The following PPFIA2 variants were observed in gnomAD, a reference collection of about 807,000 sequenced individuals.
PPFIA2 encodes the protein liprin-alpha-2.
In PPFIA2, 46 loss-of-function variants were observed where a neutral mutation model predicts 175.5. The observed-to-expected ratio is 0.26, with a 90% CI of 0.21 to 0.34. The LOEUF is 0.34. Ranked by LOEUF, PPFIA2 falls within the 10% of genes least tolerant of loss-of-function variation. PPFIA2 has a pLI of 1.00. For synonymous variants in PPFIA2, 568 were observed against 511.4 expected, an observed-to-expected ratio of 1.11 and a Z score of -1.49; for missense variants, 1,179 against 1,506.1, an observed-to-expected ratio of 0.78 and a Z score of 3.60.
intron 3 of PPFIA2, among the ~76,000 whole-genome samples, chr12:81,719,566 C>T (rs1024540402): frequency 1.3e-5 from 2 of 151,424 alleles, no homozygotes; most frequent in Non-Finnish European, 3.0e-5. Context: ...CTACCAATGA[C>T]ATCAAAAAGA....
Position 81,393,532 on chromosome 12 carries a change from T to C in PPFIA2, c.763-9288A>G, listed in dbSNP as rs1028419710. 9.9e-5 allele frequency among the ~76,000 whole-genome samples: 15 copies of C among 152,152 alleles called. 1 individual carries two copies. The South Asian group carries it at 2.9e-3, about 29-fold the overall frequency. On this transcript the variant is annotated intron_variant, in intron 8 of 32. Coordinates refer to ENST00000549396, the MANE Select transcript of PPFIA2 (RefSeq NM_003625.5). ...CAAAAAGTGTCTCCTCTACTGTGTCTTGATATTAAGAGAGTGGAGGAGGAA... is the reference window on the plus strand; with the variant it reads ...CAAAAAGTGTCTCCTCTACTGTGTCCTGATATTAAGAGAGTGGAGGAGGAA...
At chr12:81,430,637 T>C (rs576260227) in intron 7 of PPFIA2, 1 of 151,774 alleles carries the variant, frequency 6.6e-6, no homozygotes, top group East Asian at 1.9e-4. Context: ...ATATCTCTCC[T>C]TCCTTCATTC....
chr12:81,434,275 A>G (rs2048601872), intron 7 of PPFIA2, among the ~76,000 whole-genome samples: 1 of 152,104 alleles, frequency 6.6e-6, no homozygotes, highest in Admixed American at 6.5e-5. Context: ...TCATTATGTT[A>G]TCAGTGTATT....
At chr12:81,331,065 G>A (rs1051129428) in intron 21 of PPFIA2, among the ~76,000 whole-genome samples, 11 of 152,186 alleles carry the variant, frequency 7.2e-5, no homozygotes, top group African/African-American at 2.4e-4. Context: ...AAGTTTTGGC[G>A]TAAAGGCCGA....
At chr12:81,300,301 AGAT>A (rs1364355693) in intron 22 of PPFIA2, among the ~76,000 whole-genome samples, 5 of 152,182 alleles carry the variant, frequency 3.3e-5, no homozygotes, top group Non-Finnish European at 5.9e-5. Context: ...TCTTACACAT[AGAT>A]GATAAAAACA....
At chr12:81,650,346 C>T (rs1248169346) in intron 4 of PPFIA2, among the ~76,000 whole-genome samples, 1 of 151,978 alleles carries the variant, frequency 6.6e-6, no homozygotes, top group African/African-American at 2.4e-5. Flanking sequence ...TGTACTCTTT[C>T]TCTATTGTAC....
chr12:81,384,902 C>T (rs1424658536), intron 8 of PPFIA2, among the ~76,000 whole-genome samples: 1 of 152,082 alleles, frequency 6.6e-6, no homozygotes, highest in Non-Finnish European at 1.5e-5. Context: ...GATTTTTCTT[C>T]TTTCCGAAAG....
intron 12 of PPFIA2, 42 bp from the exon 13 acceptor site, chr12:81,368,898 G>A (rs773593850): frequency 1.9e-6 from 3 of 1,574,702 alleles, no homozygotes; most frequent in African/African-American, 1.4e-5. Flanking sequence ...TTCAAAAACT[G>A]TTTGAGATTA....
At chr12:81,373,950 T>C (rs2035786438) in intron 11 of PPFIA2, among the ~76,000 whole-genome samples, 1 of 152,056 alleles carries the variant, frequency 6.6e-6, no homozygotes, top group Non-Finnish European at 1.5e-5. Flanking sequence ...ATATAACTTG[T>C]GACATATACA....
At chr12:81,756,223 C>T (rs2084633620) in intron 2 of PPFIA2, among the ~76,000 whole-genome samples, 1 of 152,006 alleles carries the variant, frequency 6.6e-6, no homozygotes, top group African/African-American at 2.4e-5. Context: ...ACAATTTGTG[C>T]CCAAACACTC....
At chr12:81,494,162 C>A (rs1306138434) in intron 4 of PPFIA2, among the ~76,000 whole-genome samples, 1 of 151,794 alleles carries the variant, frequency 6.6e-6, no homozygotes, top group African/African-American at 2.4e-5. Context: ...AGGCAACCTA[C>A]AAAATGGGAA....
chr12:81,349,909 A>G (rs1478350461), intron 17 of PPFIA2, among the ~76,000 whole-genome samples: 1 of 152,326 alleles, frequency 6.6e-6, no homozygotes, highest in East Asian at 1.9e-4. Context: ...TAGTTTATGA[A>G]AGAAGAAAAA....
At chr12:81,456,375 T>G (rs1002267533) in intron 5 of PPFIA2, among the ~76,000 whole-genome samples, 4 of 152,168 alleles carry the variant, frequency 2.6e-5, no homozygotes, top group Admixed American at 2.6e-4. Flanking sequence ...ACCAATTCAA[T>G]GTATGCATGT....
At chr12:81,316,278 A>T (rs1294280770) in intron 22 of PPFIA2, among the ~76,000 whole-genome samples, 2 of 151,608 alleles carry the variant, frequency 1.3e-5, no homozygotes, top group Non-Finnish European at 3.0e-5. Context: ...GAAGAAACTA[A>T]ATCTCCAAAG....
chr12:81,613,650 T>G (rs1700912114), intron 4 of PPFIA2, among the ~76,000 whole-genome samples: 1 of 152,142 alleles, frequency 6.6e-6, no homozygotes. Flanking sequence ...CAAGCATAAT[T>G]CCTAGCCACA....
At chr12:81,647,875 TTA>T (rs947813943) in intron 4 of PPFIA2, among the ~76,000 whole-genome samples, 8 of 141,382 alleles carry the variant, frequency 5.7e-5, no homozygotes, top group African/African-American at 1.6e-4. Context: ...ATAATATATA[TTA>T]TATATATATA....
intron 7 of PPFIA2, among the ~76,000 whole-genome samples, chr12:81,433,168 T>C (rs1486539131): frequency 6.6e-6 from 1 of 152,188 alleles, no homozygotes; most frequent in African/African-American, 2.4e-5. Flanking sequence ...TTTCACACCC[T>C]GACTTTTATC....
chr12:81,648,892 T>G (rs910827767), intron 4 of PPFIA2, among the ~76,000 whole-genome samples: 2 of 147,666 alleles, frequency 1.4e-5, no homozygotes, highest in South Asian at 2.2e-4. Context: ...GAAATCATAG[T>G]TTTTTTTTAA....
chr12:81,639,481 G>C (rs1485570588), intron 4 of PPFIA2, among the ~76,000 whole-genome samples: 1 of 151,706 alleles, frequency 6.6e-6, no homozygotes, highest in Non-Finnish European at 1.5e-5. Context: ...CCTCCAGCAT[G>C]ACTCAAACAC....
Sources: allele counts gnomAD v4.1 joint callset (sites outside exome capture counted in the v4.1 genomes callset), GRCh38; gene constraint gnomAD v4.1.1; transcripts MANE v1.5; gene names NCBI Gene and HGNC (gene_info 2026-07-23, HGNC 2026-07-21).